SLC22A2: variants seen among roughly 807,000 people sequenced by gnomAD.
SLC22A2 encodes organic cation transporter 2.
A neutral mutation model predicts 60.5 loss-of-function variants in SLC22A2; 46 were observed. That is an observed-to-expected ratio of 0.76 (90% CI 0.60 to 0.97). The LOEUF (loss-of-function observed/expected upper bound fraction) is 0.97, where lower values mean the gene tolerates loss of function less well. Among genes scored for constraint, SLC22A2 ranks in the 50% least tolerant of loss-of-function variants. The pLI is 0.00. For synonymous variants in SLC22A2, 303 were observed against 267.0 expected (o/e 1.13, Z -1.31); for missense variants, 701 against 706.6 (o/e 0.99, Z 0.09).
intron 10 of SLC22A2, 83 bp downstream of exon 10, chr6:160,224,622 G>T: frequency 2.9e-6 from 2 of 695,728 alleles, no homozygotes; most frequent in African/African-American, 1.8e-5. Flanking sequence ...GAAGTATAAA[G>T]TCAATTTAAT....
At chr6:160,234,459 C>T (rs1230441048) in intron 9 of SLC22A2, among the ~76,000 whole-genome samples, 1 of 152,228 alleles carries the variant, frequency 6.6e-6, no homozygotes, top group African/African-American at 2.4e-5. Flanking sequence ...GAGCACCTCT[C>T]CTTCCCCACC....
At chr6:160,217,537 T>A (rs752456061) in intron 10 of SLC22A2, 39 bp from the exon 11 acceptor site, 1 of 1,161,586 alleles carries the variant, frequency 8.6e-7, no homozygotes, top group East Asian at 2.4e-5. Context: ...GAGAAAGAAA[T>A]TATGAGGAGG....
intron 6 of SLC22A2, chr6:160,244,347 G>A (rs1783058736): frequency 6.5e-6 from 1 of 153,252 alleles, no homozygotes; most frequent in South Asian, 2.0e-4. Context: ...CCGAAATGCT[G>A]GGATTCCAGG....
At chr6:160,244,990 AC>A (rs1480231319) in intron 6 of SLC22A2, 1 of 152,114 alleles carries the variant, frequency 6.6e-6, no homozygotes, top group Non-Finnish European at 1.5e-5. Context: ...TCCCCCCACA[AC>A]CCTGTTTTTT....
intron 9 of SLC22A2, among the ~76,000 whole-genome samples, chr6:160,229,003 G>C (rs1782773967): frequency 6.6e-6 from 1 of 151,858 alleles, no homozygotes; most frequent in African/African-American, 2.4e-5. Flanking sequence ...CAGCCTCGTT[G>C]CTCACACAAA....
intron 6 of SLC22A2, 101 bp downstream of exon 6, chr6:160,245,338 C>T (rs1367124531): frequency 3.9e-5 from 25 of 642,206 alleles, no homozygotes; most frequent in Middle Eastern, 8.4e-4. Context: ...CCACCGTCAG[C>T]GCTAATACCG....
Position 160,258,557 on chromosome 6 carries a change from A to T in SLC22A2, c.201T>A (p.Pro67=). The change falls in exon 1 of 11, where the codon CCT becomes CCA. Residue 67 remains proline (P), a synonymous_variant. Coordinates refer to ENST00000366953, the MANE Select transcript of SLC22A2 (RefSeq NM_003058.4). ...GCACCGTGTAGTTCAGTTCCTCTGC[A>T]GGACTCCAGCCGCAGCGCAGACTCA... The part of the protein sequence containing the change: ...AELSLRCGWS[P]AEELNYTVPG... The T allele has an allele frequency of 1.2e-6, 2 of 1,613,852 alleles. No homozygotes were observed. The highest frequency in any genetic ancestry group is 1.7e-6 in the Non-Finnish European group (2 of 1,179,848).
chr6:160,244,627 A>G (rs1240679470), intron 6 of SLC22A2: 1 of 152,236 alleles, frequency 6.6e-6, no homozygotes, highest in African/African-American at 2.4e-5. Context: ...AATGGAAAAT[A>G]TGAGGATAAT....
intron 3 of SLC22A2, among the ~76,000 whole-genome samples, chr6:160,250,317 A>G (rs1783161430): frequency 3.3e-5 from 5 of 152,232 alleles, no homozygotes; most frequent in Admixed American, 3.3e-4. Flanking sequence ...TTACATAAGA[A>G]TCTGGGTGGC....
chr6:160,234,133 CT>C (rs1230069793), intron 9 of SLC22A2, among the ~76,000 whole-genome samples: 3 of 151,876 alleles, frequency 2.0e-5, no homozygotes, highest in South Asian at 2.1e-4. Context: ...ACCCCCGCCC[CT>C]GCCTGCCGAG....
intron 9 of SLC22A2, among the ~76,000 whole-genome samples, chr6:160,231,535 C>G (rs1215379966): frequency 6.6e-6 from 1 of 151,952 alleles, no homozygotes; most frequent in Admixed American, 6.5e-5. Flanking sequence ...TATCACTCAC[C>G]TGCTACAGCA....
chr6:160,253,398 G>A (rs1400765439), intron 2 of SLC22A2, among the ~76,000 whole-genome samples: 1 of 152,200 alleles, frequency 6.6e-6, no homozygotes, highest in Non-Finnish European at 1.5e-5. Flanking sequence ...AAAAGGGGCT[G>A]GAGATTGCCA....
intron 9 of SLC22A2, among the ~76,000 whole-genome samples, chr6:160,225,039 G>A (rs564796261): frequency 6.6e-6 from 1 of 152,124 alleles, no homozygotes; most frequent in African/African-American, 2.4e-5. Context: ...TTGAGTCAAG[G>A]TTATTCTAGG....
In SLC22A2 at chr6:160,249,184, AT is replaced by A. The variant is rs1453381014; in HGVS notation, c.842+31del. The A allele has an allele frequency of 2.0e-6, 3 of 1,477,976 alleles. No individual in the cohort carries two copies. The East Asian group carries it at 6.9e-5, about 34-fold the overall frequency. 91.6% of individuals were successfully genotyped at this position (1,477,976 alleles called of 1,614,324 possible). ...CTTCTTAGCAGAATAAAATACTTTG[AT>A]TTATTTCCTTTTTATTCCAAATGGA... On this transcript the variant is annotated intron_variant, in intron 4 of 10. Coordinates refer to ENST00000366953, the MANE Select transcript of SLC22A2 (RefSeq NM_003058.4).
At position 160,243,573 on chromosome 6, in the gene SLC22A2, A is replaced by G. The variant is rs374464758; in HGVS notation, c.1278T>C (p.Gly426=). The part of the protein sequence containing the change: ...AACLASVFIP[G]DLQWLKIIIS... The stretch of plus-strand genomic sequence containing the variant: ...ACTCCAACTTCACCTGAAACTTACC[A>G]CCAGGTATAAAAACTGAGGCCAGAC... Residue 426 remains glycine, a splice_region_variant and synonymous_variant, in exon 7 of 11, where the codon GGT becomes GGC. Coordinates refer to ENST00000366953, the MANE Select transcript of SLC22A2 (RefSeq NM_003058.4). 2 of 1,610,388 alleles carry G rather than the reference A, an allele frequency of 1.2e-6. No homozygotes were observed. The highest frequency in any genetic ancestry group is 1.7e-6 in the Non-Finnish European group (2 of 1,176,846).
At chr6:160,239,452 G>A (rs542426982) in intron 9 of SLC22A2, among the ~76,000 whole-genome samples, 27 of 152,236 alleles carry the variant, frequency 1.8e-4, no homozygotes, top group Admixed American at 3.3e-4. Flanking sequence ...GATTGACCTC[G>A]AATTCTTTCT....
chr6:160,255,908 G>T (rs1307933289), intron 2 of SLC22A2, among the ~76,000 whole-genome samples: 1 of 152,118 alleles, frequency 6.6e-6, no homozygotes, highest in East Asian at 1.9e-4. Context: ...AGTGAGTGTG[G>T]GATTCCAAAA....
intron 9 of SLC22A2, among the ~76,000 whole-genome samples, chr6:160,236,152 A>T (rs1017071731): frequency 3.7e-4 from 57 of 152,184 alleles, no homozygotes; most frequent in African/African-American, 1.3e-3. Context: ...ATAATCAACT[A>T]TAGGACTTTA....
intron 2 of SLC22A2, among the ~76,000 whole-genome samples, chr6:160,253,791 G>A (rs1783225184): frequency 6.6e-6 from 1 of 152,154 alleles, no homozygotes; most frequent in Non-Finnish European, 1.5e-5. Flanking sequence ...TACATCTACT[G>A]TATCTGCATG....
Sources: allele counts gnomAD v4.1 joint callset (sites outside exome capture counted in the v4.1 genomes callset), GRCh38; gene constraint gnomAD v4.1.1; transcripts MANE v1.5; gene names NCBI Gene and HGNC (gene_info 2026-07-23, HGNC 2026-07-21).